IQCM: variants seen among roughly 807,000 people sequenced by gnomAD.
IQCM encodes IQ domain-containing protein M.
IQCM carries 45 observed loss-of-function variants against 57.6 expected under a neutral mutation model. The ratio of observed to expected loss-of-function variants is 0.78; its 90% CI spans 0.62 to 1.00. The LOEUF is 1.00. Among genes scored for constraint, IQCM ranks in the 50% least tolerant of loss-of-function variants. The pLI is 0.00. For missense variants in IQCM, 468 were observed against 511.6 expected, an observed-to-expected ratio of 0.91 and a Z score of 0.82; for synonymous variants, 148 against 158.9, an observed-to-expected ratio of 0.93 and a Z score of 0.51.
rs578229262 is a variant in IQCM at position 149,694,107 on chromosome 4, C to T, written c.386-7639G>A. Among the ~76,000 whole-genome samples, 74 of 150,846 alleles carry T rather than the reference C, an allele frequency of 4.9e-4. 1 individual carries two copies. The South Asian group carries it at 0.016, about 32-fold the overall frequency. On this transcript the variant is annotated intron_variant, in intron 5 of 13. Transcript: ENST00000636793. ...ACAAACATTTGTTATAAGAATCAAT[C>T]AATAAATAATTTGTTATAAGAATCA...
intron 2 of IQCM, among the ~76,000 whole-genome samples, chr4:149,793,205 T>C (rs1772803073): frequency 6.6e-6 from 1 of 152,156 alleles, no homozygotes; most frequent in Admixed American, 6.6e-5. Context: ...ATCCATGCAT[T>C]TATACCCAAG....
chr4:149,634,819 ATTC>A (rs1757589841), intron 7 of IQCM, among the ~76,000 whole-genome samples: 1 of 152,182 alleles, frequency 6.6e-6, no homozygotes, highest in Non-Finnish European at 1.5e-5. Context: ...TTAAAAAGAG[ATTC>A]TTCATCTTTT....
chr4:149,586,265 T>C (rs1390060813), intron 9 of IQCM, among the ~76,000 whole-genome samples: 1 of 151,728 alleles, frequency 6.6e-6, no homozygotes, highest in Non-Finnish European at 1.5e-5. Context: ...GGAAGGTTTT[T>C]GAAAACAAAT....
intron 12 of IQCM, among the ~76,000 whole-genome samples, chr4:149,496,302 A>G (rs868702470): frequency 4.6e-5 from 7 of 152,158 alleles, no homozygotes; most frequent in Admixed American, 2.0e-4. Context: ...AGACAGAATA[A>G]TAGTACCCCA....
At chr4:149,777,644 T>C (rs1580272797) in intron 2 of IQCM, among the ~76,000 whole-genome samples, 1 of 152,242 alleles carries the variant, frequency 6.6e-6, no homozygotes, top group East Asian at 1.9e-4. Flanking sequence ...CTCAAGAATA[T>C]AGAAATAAAG....
chr4:149,390,164 T>C (rs1243240809), intron 13 of IQCM, among the ~76,000 whole-genome samples: 1 of 152,080 alleles, frequency 6.6e-6, no homozygotes, highest in East Asian at 1.9e-4. Context: ...AGTACACAAG[T>C]ATTGTACTTA....
chr4:149,358,844 C>CAGTATATCATGATAGACTCTCATG (rs1729211155), intron 13 of IQCM, among the ~76,000 whole-genome samples: 1 of 108,028 alleles, frequency 9.3e-6, no homozygotes, highest in African/African-American at 3.9e-5. Context: ...GCACAGTGGA[C>CAGTATATCATGATAGACTCTCATG]AGTATATCAT....
chr4:149,777,970 T>C (rs1180366538), intron 2 of IQCM, among the ~76,000 whole-genome samples: 2 of 152,176 alleles, frequency 1.3e-5, no homozygotes, highest in Admixed American at 1.3e-4. Context: ...CTATTCTCTC[T>C]ACCTTGAAGA....
chr4:149,632,889 C>T (rs940249666), intron 7 of IQCM, among the ~76,000 whole-genome samples: 2 of 152,008 alleles, frequency 1.3e-5, no homozygotes, highest in Non-Finnish European at 2.9e-5. Flanking sequence ...CGGCCGGGCG[C>T]GGTGGCTCAC....
intron 12 of IQCM, among the ~76,000 whole-genome samples, chr4:149,444,308 C>G (rs1245624991): frequency 6.6e-6 from 1 of 151,746 alleles, no homozygotes; most frequent in Non-Finnish European, 1.5e-5. Flanking sequence ...AAGCTGATTT[C>G]TAGATCAAAG....
intron 8 of IQCM, among the ~76,000 whole-genome samples, chr4:149,593,654 T>C (rs1379901033): frequency 6.6e-6 from 1 of 151,992 alleles, no homozygotes; most frequent in Non-Finnish European, 1.5e-5. Context: ...TTATTGAGAG[T>C]TTTTAGCATG....
At chr4:149,619,053 T>A (rs1756053785) in intron 8 of IQCM, among the ~76,000 whole-genome samples, 2 of 147,220 alleles carry the variant, frequency 1.4e-5, no homozygotes, top group African/African-American at 5.0e-5. Flanking sequence ...AATAACAAAG[T>A]CAGAATAAAC....
chr4:149,548,620 T>G, intron 11 of IQCM, 31 bp from the exon 12 acceptor site: 1 of 1,112,368 alleles, frequency 9.0e-7, no homozygotes, highest in Non-Finnish European at 1.1e-6. Flanking sequence ...AAGAAAATAT[T>G]TTTTTAAACA....
chr4:149,688,630 G>C (rs1006829221), intron 5 of IQCM, among the ~76,000 whole-genome samples: 9 of 151,894 alleles, frequency 5.9e-5, no homozygotes, highest in South Asian at 2.1e-4. Context: ...GAACCAAAAA[G>C]AGCCTGCATA....
At chr4:149,627,148 G>A (rs1012488265) in intron 7 of IQCM, among the ~76,000 whole-genome samples, 2 of 152,082 alleles carry the variant, frequency 1.3e-5, no homozygotes, top group African/African-American at 4.8e-5. Flanking sequence ...GGGGAGGGCA[G>A]GTATTGATAA....
intron 12 of IQCM, among the ~76,000 whole-genome samples, chr4:149,506,251 C>T (rs1743802857): frequency 6.6e-6 from 1 of 152,138 alleles, no homozygotes; most frequent in Non-Finnish European, 1.5e-5. Context: ...TGGATGGATG[C>T]TTGATAACCC....
intron 12 of IQCM, among the ~76,000 whole-genome samples, chr4:149,494,250 A>G (rs1742416728): frequency 6.6e-6 from 1 of 152,108 alleles, no homozygotes; most frequent in South Asian, 2.1e-4. Context: ...TAATCACTCT[A>G]ATAAGTAGAT....
At chr4:149,794,301 G>A (rs1227402751) in intron 2 of IQCM, among the ~76,000 whole-genome samples, 2 of 152,188 alleles carry the variant, frequency 1.3e-5, no homozygotes, top group Non-Finnish European at 2.9e-5. Flanking sequence ...GACACAGGAG[G>A]AAAAGAGCTC....
chr4:149,456,514 A>C (rs1737719065), intron 12 of IQCM, among the ~76,000 whole-genome samples: 1 of 152,122 alleles, frequency 6.6e-6, no homozygotes, highest in South Asian at 2.1e-4. Context: ...ATTTTAAATA[A>C]TTTTGTGACT....
Sources: allele counts gnomAD v4.1 joint callset (sites outside exome capture counted in the v4.1 genomes callset), GRCh38; gene constraint gnomAD v4.1.1; transcripts MANE v1.5; gene names NCBI Gene and HGNC (gene_info 2026-07-23, HGNC 2026-07-21).